ATP8A2: variants seen among roughly 807,000 people sequenced by gnomAD.
ATP8A2 encodes phospholipid-transporting ATPase IB.
ATP8A2 carries 100 observed loss-of-function variants against 165.6 expected under a neutral mutation model. That is an observed-to-expected ratio of 0.60 (90% CI 0.51 to 0.71). The LOEUF is 0.71. Ranked by LOEUF, ATP8A2 falls within the 30% of genes least tolerant of loss-of-function variation. The probability of loss-of-function intolerance (pLI) is 0.00; values close to 1 mark genes in which losing one functional copy is unlikely to be tolerated. For synonymous variants in ATP8A2, 543 were observed against 548.8 expected (o/e 0.99, Z 0.15); for missense variants, 1,227 against 1,479.5 (o/e 0.83, Z 2.80).
At chr13:25,823,653 T>A (rs1361575828) in intron 27 of ATP8A2, among the ~76,000 whole-genome samples, 1 of 152,186 alleles carries the variant, frequency 6.6e-6, no homozygotes. Context: ...TTTTTCTGTC[T>A]GAATATACTG....
At chr13:26,017,784 G>GC (rs1252967480) in intron 36 of ATP8A2, among the ~76,000 whole-genome samples, 8 of 152,260 alleles carry the variant, frequency 5.3e-5, no homozygotes, top group African/African-American at 1.9e-4. Flanking sequence ...AAGCATATCC[G>GC]CCCCCAAGGG....
intron 27 of ATP8A2, among the ~76,000 whole-genome samples, chr13:25,816,330 C>T (rs12862080): frequency 0.17 from 26,543 of 152,088 alleles, 2,487 homozygotes; most frequent in Middle Eastern, 0.22. Flanking sequence ...GGTCTGAATC[C>T]AGCCCTCTTC....
At chr13:25,845,745 C>T (rs1951846246) in intron 30 of ATP8A2, among the ~76,000 whole-genome samples, 1 of 152,228 alleles carries the variant, frequency 6.6e-6, no homozygotes, top group African/African-American at 2.4e-5. Context: ...TACTTTATTA[C>T]TGAAAACTTG....
chr13:25,513,906 A>G (rs934601208), intron 2 of ATP8A2, among the ~76,000 whole-genome samples: 2 of 144,378 alleles, frequency 1.4e-5, no homozygotes, highest in African/African-American at 5.0e-5. Flanking sequence ...AGATGGGAGC[A>G]GTAAAGTCCA....
At chr13:25,514,818 C>T (rs2037413156) in intron 2 of ATP8A2, among the ~76,000 whole-genome samples, 3 of 152,142 alleles carry the variant, frequency 2.0e-5, no homozygotes, top group African/African-American at 7.2e-5. Flanking sequence ...CAGGCTGAAA[C>T]TGTTCCCCTC....
intron 24 of ATP8A2, among the ~76,000 whole-genome samples, chr13:25,619,336 T>C (rs1302152162): frequency 6.6e-6 from 1 of 152,198 alleles, no homozygotes; most frequent in Non-Finnish European, 1.5e-5. Flanking sequence ...TCTACATTTC[T>C]CAAAAGCCAA....
chr13:25,502,165 T>C (rs2036873991), intron 2 of ATP8A2, among the ~76,000 whole-genome samples: 1 of 152,050 alleles, frequency 6.6e-6, no homozygotes, highest in South Asian at 2.1e-4. Flanking sequence ...GATCACGGGG[T>C]GTTTTTAAAC....
In ATP8A2 at chr13:25,419,429, G is replaced by C. The variant is rs1055146832; in HGVS notation, c.76+47141G>C. ...AGAAAAGCATACACGTTTCATGTAA[G>C]TTTTCTGTGACCTGGGAACTTTCAG... On this transcript the variant is annotated intron_variant, in intron 1 of 36. Transcript: ENST00000381655. Among the ~76,000 whole-genome samples the C allele has an allele frequency of 8.5e-5, 13 of 152,186 alleles. 1 individual carries two copies. The highest frequency in any genetic ancestry group is 3.1e-4 in the African/African-American group (13 of 41,436).
At chr13:25,760,129 A>G (rs2044350110) in intron 25 of ATP8A2, among the ~76,000 whole-genome samples, 2 of 152,214 alleles carry the variant, frequency 1.3e-5, no homozygotes, top group South Asian at 4.1e-4. Context: ...GGCAGCATTT[A>G]TGGCTTGAGT....
chr13:25,704,125 AAAAT>A (rs1449918063), intron 25 of ATP8A2, among the ~76,000 whole-genome samples: 1 of 152,206 alleles, frequency 6.6e-6, no homozygotes, highest in African/African-American at 2.4e-5. Context: ...TGTGGAAAGA[AAAAT>A]AAAGAGTCTG....
At chr13:25,989,795 G>A (rs781469122) in intron 35 of ATP8A2, among the ~76,000 whole-genome samples, 11 of 151,702 alleles carry the variant, frequency 7.3e-5, no homozygotes, top group Non-Finnish European at 1.0e-4. Context: ...TTCCTTCAAC[G>A]TGGCCATTGT....
intron 27 of ATP8A2, among the ~76,000 whole-genome samples, chr13:25,795,695 C>T (rs1198304217): frequency 6.6e-6 from 1 of 152,122 alleles, no homozygotes; most frequent in Non-Finnish European, 1.5e-5. Context: ...CTGAAAGCAT[C>T]CTAACATCTA....
At chr13:25,929,289 G>A (rs1338760231) in intron 33 of ATP8A2, among the ~76,000 whole-genome samples, 1 of 152,150 alleles carries the variant, frequency 6.6e-6, no homozygotes, top group Non-Finnish European at 1.5e-5. Context: ...CTTCCCTGAA[G>A]GCAGATGGGA....
chr13:25,551,530 C>G, intron 11 of ATP8A2, 27 bp downstream of exon 11: 1 of 1,577,896 alleles, frequency 6.3e-7, no homozygotes, highest in Non-Finnish European at 8.7e-7. Context: ...GTTGCTTGTT[C>G]CAGTGGAAGA....
In ATP8A2 at chr13:25,447,418, C is replaced by A. The variant is rs527241664; in HGVS notation, c.77-21559C>A. Among the ~76,000 whole-genome samples the A allele has an allele frequency of 2.8e-4, 42 of 152,226 alleles. No homozygotes were observed. The South Asian group carries it at 8.3e-3, about 30-fold the overall frequency. On this transcript the variant is annotated intron_variant, in intron 1 of 36. Coordinates refer to ENST00000381655, the MANE Select transcript of ATP8A2 (RefSeq NM_016529.6). Reference sequence around the variant, plus strand: ...TGTGTTGGTGAGATGGGAGAGTTCCCTTGACCCCCTCGTGGGACTTGTGAT... The same window carrying A: ...TGTGTTGGTGAGATGGGAGAGTTCCATTGACCCCCTCGTGGGACTTGTGAT...
At chr13:25,952,983 C>G (rs545104049) in intron 33 of ATP8A2, among the ~76,000 whole-genome samples, 1 of 152,228 alleles carries the variant, frequency 6.6e-6, no homozygotes, top group South Asian at 2.1e-4. Context: ...AAGAAGCTCC[C>G]TTGACGTTTG....
At chr13:25,482,492 G>A (rs1261293712) in intron 2 of ATP8A2, among the ~76,000 whole-genome samples, 2 of 152,150 alleles carry the variant, frequency 1.3e-5, no homozygotes, top group East Asian at 1.9e-4. Context: ...GGGGCTTGGT[G>A]GGGAGGGCAG....
intron 33 of ATP8A2, chr13:25,944,419 A>C (rs942878980): frequency 6.6e-6 from 1 of 152,376 alleles, no homozygotes; most frequent in South Asian, 2.1e-4. Flanking sequence ...AGGCAGGAGA[A>C]TCACTTGAAG....
At chr13:25,645,272 A>G (rs1261178087) in intron 24 of ATP8A2, among the ~76,000 whole-genome samples, 1 of 152,166 alleles carries the variant, frequency 6.6e-6, no homozygotes, top group Non-Finnish European at 1.5e-5. Context: ...ATCTTGTGAG[A>G]CTATTCAGTA....
Sources: allele counts gnomAD v4.1 joint callset (sites outside exome capture counted in the v4.1 genomes callset), GRCh38; gene constraint gnomAD v4.1.1; transcripts MANE v1.5; gene names NCBI Gene and HGNC (gene_info 2026-07-23, HGNC 2026-07-21).